PRKCB: variants seen among roughly 807,000 people sequenced by gnomAD.
The protein encoded by PRKCB is protein kinase C beta type.
A neutral mutation model predicts 81.5 loss-of-function variants in PRKCB; 13 were observed. That is an observed-to-expected ratio of 0.16 (90% confidence interval 0.10 to 0.25). The LOEUF is 0.25. PRKCB is among the 10% of genes least tolerant of loss of function. PRKCB has a pLI of 1.00. For synonymous variants in PRKCB, 335 were observed against 321.4 expected (o/e 1.04, Z -0.45); for missense variants, 509 against 875.7 (o/e 0.58, Z 5.29).
intron 5 of PRKCB, among the ~76,000 whole-genome samples, chr16:24,085,502 T>A (rs893712529): frequency 1.3e-5 from 2 of 152,226 alleles, no homozygotes; most frequent in African/African-American, 2.4e-5. Flanking sequence ...TTATCCTCTA[T>A]CATTAGGGTA....
chr16:23,838,675 G>A (rs1027853301), intron 2 of PRKCB, among the ~76,000 whole-genome samples: 2 of 152,230 alleles, frequency 1.3e-5, no homozygotes, highest in South Asian at 4.1e-4. Context: ...CCAGGGAAAA[G>A]TAAAGTGATC....
chr16:23,954,229 A>G (rs1267611477), intron 2 of PRKCB, among the ~76,000 whole-genome samples: 1 of 151,932 alleles, frequency 6.6e-6, no homozygotes, highest in Non-Finnish European at 1.5e-5. Context: ...GATTACAGGC[A>G]TGAGACACCA....
At chr16:24,064,369 A>G (rs942526783) in intron 5 of PRKCB, among the ~76,000 whole-genome samples, 4 of 152,332 alleles carry the variant, frequency 2.6e-5, no homozygotes, top group East Asian at 3.9e-4. Context: ...TTGAATTTTC[A>G]TGATGATTTT....
intron 5 of PRKCB, among the ~76,000 whole-genome samples, chr16:24,082,457 G>A (rs1014151674): frequency 6.6e-6 from 1 of 152,156 alleles, no homozygotes; most frequent in Non-Finnish European, 1.5e-5. Flanking sequence ...CCAATCTTAA[G>A]ACTTACTATA....
chr16:24,098,526 G>T (rs1966468777), intron 7 of PRKCB: 1 of 152,192 alleles, frequency 6.6e-6, no homozygotes, highest in Non-Finnish European at 1.5e-5. Context: ...GAGGCGGGCG[G>T]ATCACCTGAG....
chr16:24,150,599 A>G (rs1967064930), intron 9 of PRKCB, among the ~76,000 whole-genome samples: 1 of 152,212 alleles, frequency 6.6e-6, no homozygotes. Context: ...TTTCCAAATT[A>G]AACTGCAGTC....
Position 24,197,092 on chromosome 16 carries a change from G to A in PRKCB, c.1863+5862G>A, listed in dbSNP as rs141466247. 6.6e-5 allele frequency among the ~76,000 whole-genome samples: 10 copies of A among 152,278 alleles called. No homozygotes were observed. The East Asian group carries it at 1.7e-3, about 26-fold the overall frequency. ...ATCCATTCAGTGGGTGATGAGGTTA[G>A]GTAATGTTCTAGGTGATGGAAACAT... On this transcript the variant is annotated intron_variant, in intron 16 of 16. Transcript: ENST00000643927.
intron 7 of PRKCB, among the ~76,000 whole-genome samples, chr16:24,097,206 T>G (rs1966457369): frequency 6.6e-6 from 1 of 151,982 alleles, no homozygotes; most frequent in South Asian, 2.1e-4. Flanking sequence ...CCAGCTAATT[T>G]TTTGTAATTT....
At chr16:24,023,277 C>T (rs938761078) in intron 3 of PRKCB, among the ~76,000 whole-genome samples, 1 of 152,208 alleles carries the variant, frequency 6.6e-6, no homozygotes, top group African/African-American at 2.4e-5. Flanking sequence ...GGCTTACAGG[C>T]CATGAGGATT....
chr16:23,933,162 A>G (rs3785392), intron 2 of PRKCB, among the ~76,000 whole-genome samples: 53,242 of 152,028 alleles, frequency 0.35, 9,585 homozygotes, highest in South Asian at 0.52. Flanking sequence ...GGAAGTGGGC[A>G]CTGGACCCAG....
chr16:24,120,980 G>A (rs1966793342), intron 8 of PRKCB, among the ~76,000 whole-genome samples: 1 of 152,206 alleles, frequency 6.6e-6, no homozygotes, highest in Non-Finnish European at 1.5e-5. Context: ...TCCACTCAGA[G>A]TGACCTGTTA....
rs1966231150 is a variant in PRKCB at position 24,080,193 on chromosome 16, G to C, written c.530-12598G>C. 3.9e-5 allele frequency among the ~76,000 whole-genome samples: 6 copies of C among 152,200 alleles called. No homozygotes were observed. In the South Asian group the frequency reaches 1.2e-3, roughly 31 times the overall value. On this transcript the variant is annotated intron_variant, in intron 5 of 16. Transcript: ENST00000643927. ...TTAATTTCACCCAGAGAGGAAAAGT[G>C]AGTGGCCAGGGAGCAATCATATGAG...
At chr16:24,078,034 C>T (rs762584166) in intron 5 of PRKCB, among the ~76,000 whole-genome samples, 4 of 152,238 alleles carry the variant, frequency 2.6e-5, no homozygotes, top group Admixed American at 6.5e-5. Flanking sequence ...AACGTTCTCA[C>T]TGAGCAGATT....
chr16:24,013,647 T>A (rs992220166), intron 3 of PRKCB, among the ~76,000 whole-genome samples: 2 of 152,138 alleles, frequency 1.3e-5, no homozygotes, highest in African/African-American at 4.8e-5. Flanking sequence ...GAAGGTGGGG[T>A]TGGCATCCGT....
chr16:24,148,838 G>A (rs974956387), intron 9 of PRKCB, among the ~76,000 whole-genome samples: 5 of 152,122 alleles, frequency 3.3e-5, no homozygotes, highest in Admixed American at 6.5e-5. Flanking sequence ...GATCCAGACC[G>A]CCCTGCAAAG....
chr16:23,836,682 C>T (rs988398162), intron 1 of PRKCB, among the ~76,000 whole-genome samples: 2 of 151,670 alleles, frequency 1.3e-5, no homozygotes, highest in African/African-American at 4.8e-5. Flanking sequence ...TGGAGGGCAG[C>T]GCCTCGGGTG....
At chr16:24,009,280 A>T (rs1040156861) in intron 3 of PRKCB, among the ~76,000 whole-genome samples, 6 of 152,240 alleles carry the variant, frequency 3.9e-5, no homozygotes, top group African/African-American at 1.4e-4. Context: ...CACACGGGCT[A>T]AGGACTTGAA....
chr16:24,032,636 C>A (rs892335782), intron 4 of PRKCB, among the ~76,000 whole-genome samples: 7 of 152,150 alleles, frequency 4.6e-5, no homozygotes, highest in African/African-American at 1.7e-4. Flanking sequence ...TGGTGATGAC[C>A]AGGCCACGTG....
chr16:23,848,467 G>A (rs985607825), intron 2 of PRKCB, among the ~76,000 whole-genome samples: 1 of 152,146 alleles, frequency 6.6e-6, no homozygotes, highest in Admixed American at 6.5e-5. Flanking sequence ...CAGTCATATT[G>A]TTGATTGTTC....
Sources: allele counts gnomAD v4.1 joint callset (sites outside exome capture counted in the v4.1 genomes callset), GRCh38; gene constraint gnomAD v4.1.1; transcripts MANE v1.5; gene names NCBI Gene and HGNC (gene_info 2026-07-23, HGNC 2026-07-21).